The following CPNE7 variants were observed in gnomAD, a reference collection of about 807,000 sequenced individuals.
CPNE7 encodes the protein copine-7.
In CPNE7, 78 loss-of-function variants were observed where a neutral mutation model predicts 66.5. The observed-to-expected ratio is 1.17, with a 90% confidence interval of 0.98 to 1.42. The LOEUF is 1.42. Ranked by LOEUF, CPNE7 falls within the 40% of genes most tolerant of loss-of-function variation. The probability of loss-of-function intolerance (pLI) is 0.00; values close to 1 mark genes in which losing one functional copy is unlikely to be tolerated. For missense variants in CPNE7, 1,012 were observed against 776.6 expected (o/e 1.30, Z -3.60); for synonymous variants, 468 against 336.7 (o/e 1.39, Z -4.27).
chr16:89,583,109 AGGTCCCCAG>A (rs2058980321), intron 2 of CPNE7, among the ~76,000 whole-genome samples: 1 of 152,206 alleles, frequency 6.6e-6, no homozygotes, highest in Admixed American at 6.5e-5. Context: ...CTGCATGAGG[AGGTCCCCAG>A]GGTCTAAGCC....
chr16:89,575,968 TG>T lies in CPNE7; in HGVS notation c.73del (p.Glu25SerfsTer102). On this transcript the variant is annotated frameshift_variant, in exon 1 of 15. Transcript: ENST00000319518. LOFTEE classifies it high-confidence loss of function. ...GGLPAPCASK[V>X]ELRLSCRHLL... ...TTGCCCGCGCCCTGCGCCTCGAAGG[TG>T]GAGCTGCGGCTCAGCTGCCGGCACC... 7.3e-7 allele frequency: 1 copy of T among 1,365,976 alleles called. No individual in the cohort carries two copies. The highest frequency in any genetic ancestry group is 1.6e-5 in the South Asian group (1 of 60,868). 84.6% of individuals were successfully genotyped at this position (1,365,976 alleles called of 1,614,324 possible).
Position 89,591,120 on chromosome 16 carries a change from C to G in CPNE7, c.1169-7C>G, listed in dbSNP as rs757480056. On this transcript the variant is annotated splice_polypyrimidine_tract_variant and splice_region_variant and intron_variant, in intron 12 of 14. Coordinates refer to ENST00000319518, the MANE Select transcript of CPNE7 (RefSeq NM_153636.3). ...GGGGGGCCGGGCTCACCCCCTGCCC[C>G]CCACAGGCATCCAGGGCGTGGTGGA... 3.7e-6 allele frequency: 6 copies of G among 1,612,748 alleles called. No individual in the cohort carries two copies. The highest frequency in any genetic ancestry group is 5.1e-6 in the Non-Finnish European group (6 of 1,179,662).
At chr16:89,590,922 CG>C in intron 11 of CPNE7, 84 bp from the exon 12 acceptor site, 12 of 1,246,922 alleles carry the variant, frequency 9.6e-6, no homozygotes, top group Non-Finnish European at 1.2e-5. Context: ...GGGCTGGGGA[CG>C]GGGGGAGCAG....
intron 13 of CPNE7, among the ~76,000 whole-genome samples, chr16:89,595,159 C>T (rs1235155167): frequency 6.6e-6 from 1 of 152,152 alleles, no homozygotes; most frequent in Non-Finnish European, 1.5e-5. Context: ...CTGAGCTGGG[C>T]ACAGGAGGCC....
Position 89,578,868 on chromosome 16 carries a change from G to C in CPNE7, c.357+1147G>C, listed in dbSNP as rs374165970. 5.0e-6 allele frequency: 8 copies of C among 1,612,118 alleles called. No individual in the cohort carries two copies. The highest frequency in any genetic ancestry group is 2.7e-5 in the African/African-American group (2 of 74,894). On this transcript the variant is annotated intron_variant, in intron 2 of 14. Transcript: ENST00000319518. ...TACGGCCTCCACAGCCAGCCCAAAA[G>C]TGGCTTCTGCAAGTCGTGATGAGAG...
At chr16:89,581,833 C>T (rs2058963106) in intron 2 of CPNE7, among the ~76,000 whole-genome samples, 1 of 152,130 alleles carries the variant, frequency 6.6e-6, no homozygotes, top group Admixed American at 6.6e-5. Flanking sequence ...TTTGAAGAGA[C>T]AGGGGTCTCA....
rs748586664 is a variant in CPNE7 at position 89,596,684 on chromosome 16, A to T, written c.*63A>T. ...GGTCCGTACAGCCTCTGTCTGCAACATGCTTGGGGTCCCTTAAGCTCCCTC... is the reference window on the plus strand; with the variant it reads ...GGTCCGTACAGCCTCTGTCTGCAACTTGCTTGGGGTCCCTTAAGCTCCCTC... On this transcript the variant is annotated 3_prime_UTR_variant, in exon 15 of 15. Coordinates refer to ENST00000319518, the MANE Select transcript of CPNE7 (RefSeq NM_153636.3). 2.7e-6 allele frequency: 4 copies of T among 1,469,294 alleles called. No individual in the cohort carries two copies. The South Asian group carries it at 4.1e-5, about 15-fold the overall frequency. The allele number at this position is 1,469,294 out of a possible 1,614,324, so 91.0% of individuals were successfully genotyped here. A position where few individuals can be genotyped will look rare whatever the true frequency, so the allele number is the denominator to read the frequency against.
intron 13 of CPNE7, among the ~76,000 whole-genome samples, chr16:89,593,297 C>T (rs142634351): frequency 1.1e-4 from 16 of 152,082 alleles, no homozygotes; most frequent in African/African-American, 3.6e-4. Flanking sequence ...CTTGGCACTG[C>T]ACACACACAT....
chr16:89,590,048 G>A, intron 11 of CPNE7, 97 bp downstream of exon 11: 1 of 1,354,454 alleles, frequency 7.4e-7, no homozygotes. Context: ...GCTGCCTGCT[G>A]GGAACCGGAG....
rs771631480 is a variant in CPNE7 at position 89,596,466 on chromosome 16, C to A, written c.1540-18C>A. ...ATCTCGAAGGTCCCAGAGGTAACTGCGTTGTCCCATCCTCCAGGCATCCCC... is the reference window on the plus strand; with the variant it reads ...ATCTCGAAGGTCCCAGAGGTAACTGAGTTGTCCCATCCTCCAGGCATCCCC... On this transcript the variant is annotated intron_variant, in intron 14 of 14. Coordinates refer to ENST00000319518, the MANE Select transcript of CPNE7 (RefSeq NM_153636.3). 6.3e-7 allele frequency: 1 copy of A among 1,599,356 alleles called. No homozygotes were observed.
Position 89,584,619 on chromosome 16 carries a change from C to T in CPNE7, c.508-155C>T, listed in dbSNP as rs1233929695. On this transcript the variant is annotated intron_variant, in intron 4 of 14. Coordinates refer to ENST00000319518, the MANE Select transcript of CPNE7 (RefSeq NM_153636.3). This position sits in a 1 kb window ranked among gnomAD's most constrained non-coding sequence, Gnocchi z 6.0. ...GATCCCTGGGGGCGGGAGGGAGGGA[C>T]GAGATGCTGTCGGCGGGGACTGGCT... is the stretch of plus-strand genomic sequence containing the variant. Among the ~76,000 whole-genome samples the T allele has an allele frequency of 3.9e-5, 6 of 152,010 alleles. No individual in the cohort carries two copies. The highest frequency in any genetic ancestry group is 4.1e-4 in the South Asian group (2 of 4,822).
Position 89,575,946 on chromosome 16 carries a change from C to A in CPNE7, c.49C>A (p.Pro17Thr). Reference sequence around the variant, plus strand: ...GGCGGCGGCAACCCCCGGGGGTTTGCCCGCGCCCTGCGCCTCGAAGGTGGA... The same window carrying A: ...GGCGGCGGCAACCCCCGGGGGTTTGACCGCGCCCTGCGCCTCGAAGGTGGA... The part of the protein sequence containing the change: ...RGAAATPGGL[P>T]APCASKVELR... The change falls in exon 1 of 15, where the codon CCC (proline) becomes ACC (threonine). Residue 17 changes from proline (P) to threonine (T), a missense_variant. Pro to Thr is a conservative substitution (Grantham distance 38). Transcript: ENST00000319518. 7.5e-7 allele frequency: 1 copy of A among 1,335,694 alleles called. No homozygotes were observed. The highest frequency in any genetic ancestry group is 9.6e-7 in the Non-Finnish European group (1 of 1,043,248). The allele number at this position is 1,335,694 out of a possible 1,614,324, so 82.7% of individuals were successfully genotyped here.
chr16:89,587,992 AT>A (rs2059103186), intron 9 of CPNE7, among the ~76,000 whole-genome samples: 1 of 6,782 alleles, frequency 1.5e-4, no homozygotes, highest in African/African-American at 6.8e-4. Flanking sequence ...TCACCCACAG[AT>A]ACACGGCCCC....
chr16:89,596,141 C>T (rs1193309863), intron 14 of CPNE7, among the ~76,000 whole-genome samples: 9 of 152,288 alleles, frequency 5.9e-5, no homozygotes, highest in Admixed American at 5.9e-4. Context: ...CGCAGTGAAA[C>T]ATGCATATTA....
intron 9 of CPNE7, chr16:89,587,701 CG>C (rs1365934641): frequency 8.5e-6 from 3 of 353,590 alleles, no homozygotes; most frequent in African/African-American, 2.2e-5. Flanking sequence ...ACGCACACCC[CG>C]TGTCACCCCC....
At chr16:89,582,960 G>GTGCCCC (rs2058978305) in intron 2 of CPNE7, among the ~76,000 whole-genome samples, 1 of 152,238 alleles carries the variant, frequency 6.6e-6, no homozygotes, top group South Asian at 2.1e-4. Context: ...GGAGGGCCGT[G>GTGCCCC]TGCCCCCGTC....
chr16:89,590,962 T>C, intron 11 of CPNE7, 45 bp from the exon 12 acceptor site: 1 of 1,604,096 alleles, frequency 6.2e-7, no homozygotes, highest in Non-Finnish European at 8.5e-7. Context: ...GCCAGTGGGG[T>C]GTGTTGCAAC....
At chr16:89,577,744 GGGA>G (rs760643293) in intron 2 of CPNE7, 23 bp downstream of exon 2, 3 of 1,566,840 alleles carry the variant, frequency 1.9e-6, no homozygotes, top group East Asian at 2.3e-5. Context: ...TCCCCTCGGA[GGGA>G]GGAGGACGGT....
intron 1 of CPNE7, among the ~76,000 whole-genome samples, chr16:89,576,552 C>G (rs1032697824): frequency 6.6e-6 from 1 of 152,182 alleles, no homozygotes; most frequent in Non-Finnish European, 1.5e-5. Context: ...GGGTCTCAAG[C>G]GAACCCGCTG....
Sources: gnomAD v4.1 joint callset for allele counts (sites outside exome capture counted in the v4.1 genomes callset) on GRCh38, gnomAD v4.1.1 for gene constraint, Gnocchi (gnomAD v3.1) non-coding constraint, MANE v1.5 for transcripts, NCBI Gene and HGNC (gene_info 2026-07-23, HGNC 2026-07-21) for gene names.